The following AAGAB variants were observed in gnomAD, a reference collection of about 807,000 sequenced individuals.
AAGAB encodes the protein alpha- and gamma-adaptin-binding protein p34.
Under a neutral mutation model 44.1 loss-of-function variants are expected in AAGAB, and 38 were observed. The observed-to-expected ratio is 0.86, with a 90% CI of 0.67 to 1.13. The LOEUF (loss-of-function observed/expected upper bound fraction) is 1.13, where lower values mean the gene tolerates loss of function less well. AAGAB is among the 50% of genes most tolerant of loss of function. The pLI, the probability that AAGAB is intolerant of heterozygous loss-of-function variation, is 0.00. For synonymous variants in AAGAB, 131 were observed against 131.8 expected, an observed-to-expected ratio of 0.99 and a Z score of 0.04; for missense variants, 450 against 373.8, an observed-to-expected ratio of 1.20 and a Z score of -1.68.
chr15:67,211,156 T>C (rs1015913892), intron 5 of AAGAB, among the ~76,000 whole-genome samples: 3 of 152,220 alleles, frequency 2.0e-5, no homozygotes, highest in Non-Finnish European at 4.4e-5. Context: ...TGCAGATTTC[T>C]GGAGCCTGAC....
At chr15:67,225,003 T>C in intron 5 of AAGAB, among the ~76,000 whole-genome samples, 1 of 152,230 alleles carries the variant, frequency 6.6e-6, no homozygotes. Context: ...TCTTACAAGT[T>C]AGAACTAGAA....
At chr15:67,248,023 A>G (rs1695208414) in intron 1 of AAGAB, among the ~76,000 whole-genome samples, 2 of 152,228 alleles carry the variant, frequency 1.3e-5, no homozygotes. Context: ...CAACTTTGGG[A>G]AACCACAGCT....
chr15:67,239,472 A>T (rs1371616337), intron 1 of AAGAB, among the ~76,000 whole-genome samples: 1 of 152,236 alleles, frequency 6.6e-6, no homozygotes, highest in Admixed American at 6.5e-5. Flanking sequence ...AAACCTAGAC[A>T]GGAATGGAAC....
chr15:67,236,786 C>T lies in AAGAB; in HGVS notation c.108G>A (p.Val36=). The change falls in exon 2 of 10, where the codon GTG becomes GTA. Residue 36 remains valine (V), a synonymous_variant. Transcript: ENST00000261880. ...AAAATCTCACAGCATCATTGGAAGT[C>T]ACTTCCACAATAAGATCTTCTGTTC... ...ILGTEDLIVE[V]TSNDAVRFYP... The T allele has an allele frequency of 1.2e-6, 2 of 1,611,284 alleles. No individual in the cohort carries two copies. The highest frequency in any genetic ancestry group is 1.7e-6 in the Non-Finnish European group (2 of 1,178,948).
chr15:67,214,841 C>T (rs914094083), intron 5 of AAGAB, among the ~76,000 whole-genome samples: 36 of 152,058 alleles, frequency 2.4e-4, no homozygotes, highest in African/African-American at 8.2e-4. Flanking sequence ...GGGGTTTCAC[C>T]GTGTTAGCCA....
At chr15:67,239,647 C>CA (rs1409655112) in intron 1 of AAGAB, among the ~76,000 whole-genome samples, 1 of 152,066 alleles carries the variant, frequency 6.6e-6, no homozygotes, top group African/African-American at 2.4e-5. Flanking sequence ...TTCAAGGCTG[C>CA]ATATGGACTT....
chr15:67,236,537 A>T, intron 2 of AAGAB, 33 bp from the exon 3 acceptor site: 2 of 1,608,710 alleles, frequency 1.2e-6, no homozygotes, highest in South Asian at 2.2e-5. Context: ...ACAAACAAAA[A>T]CAGAAAAGAG....
intron 1 of AAGAB, among the ~76,000 whole-genome samples, chr15:67,242,409 G>A (rs1459815175): frequency 1.2e-5 from 1 of 81,352 alleles, no homozygotes. Context: ...CGGCCTGGGC[G>A]ACAGAGCGAG....
chr15:67,247,261 C>G (rs1008316959), intron 1 of AAGAB, among the ~76,000 whole-genome samples: 8 of 152,178 alleles, frequency 5.3e-5, no homozygotes, highest in African/African-American at 1.7e-4. Context: ...GACCAAGAAC[C>G]CACTGGAAGG....
intron 1 of AAGAB, among the ~76,000 whole-genome samples, chr15:67,250,114 A>C (rs1192900627): frequency 6.6e-6 from 1 of 152,200 alleles, no homozygotes; most frequent in Non-Finnish European, 1.5e-5. Flanking sequence ...TAAGATGTTA[A>C]AACTTACATA....
chr15:67,251,366 C>T (rs994223122), intron 1 of AAGAB, among the ~76,000 whole-genome samples: 7 of 152,086 alleles, frequency 4.6e-5, no homozygotes, highest in African/African-American at 1.7e-4. Context: ...ACCTCAGCCT[C>T]CCAAGGAGCT....
intron 5 of AAGAB, among the ~76,000 whole-genome samples, chr15:67,231,518 G>A (rs1444924471): frequency 1.3e-5 from 2 of 152,160 alleles, no homozygotes; most frequent in African/African-American, 4.8e-5. Flanking sequence ...TTCACAGCTG[G>A]ACTAGGAGCT....
chr15:67,222,282 A>ACACACACACACACACACACACACCC (rs796412643), intron 5 of AAGAB, among the ~76,000 whole-genome samples: 22 of 139,846 alleles, frequency 1.6e-4, no homozygotes, highest in South Asian at 2.4e-4. Context: ...ACACACACAC[A>ACACACACACACACACACACACACCC]CCCTCCACCC....
chr15:67,216,460 A>C (rs1445910173), intron 5 of AAGAB, among the ~76,000 whole-genome samples: 4 of 149,620 alleles, frequency 2.7e-5, no homozygotes, highest in Non-Finnish European at 4.5e-5. Context: ...AAAAAAAAAA[A>C]AAAAAAAACA....
At chr15:67,212,119 G>A (rs1167552190) in intron 5 of AAGAB, among the ~76,000 whole-genome samples, 2 of 152,134 alleles carry the variant, frequency 1.3e-5, no homozygotes, top group Non-Finnish European at 2.9e-5. Flanking sequence ...CTGACCTCGT[G>A]ATGCGCCCGC....
At chr15:67,208,944 T>C (rs1022144197) in intron 6 of AAGAB, among the ~76,000 whole-genome samples, 1 of 152,224 alleles carries the variant, frequency 6.6e-6, no homozygotes, top group Non-Finnish European at 1.5e-5. Flanking sequence ...ATTCAAAATG[T>C]GAAAATGTAA....
chr15:67,223,399 G>A (rs1964126976), intron 5 of AAGAB, among the ~76,000 whole-genome samples: 1 of 152,186 alleles, frequency 6.6e-6, no homozygotes. Flanking sequence ...CCTCATTTCA[G>A]TTGATGGCAA....
chr15:67,218,688 T>A, intron 5 of AAGAB, among the ~76,000 whole-genome samples: 1 of 152,166 alleles, frequency 6.6e-6, no homozygotes, highest in East Asian at 1.9e-4. Flanking sequence ...ACTTTCAAAA[T>A]TTGTCACATT....
intron 7 of AAGAB, among the ~76,000 whole-genome samples, chr15:67,204,512 T>C (rs1963642785): frequency 6.6e-6 from 1 of 152,176 alleles, no homozygotes; most frequent in East Asian, 1.9e-4. Flanking sequence ...GATTCACCAA[T>C]AATGACTAAA....
Sources: allele counts gnomAD v4.1 joint callset (sites outside exome capture counted in the v4.1 genomes callset), GRCh38; gene constraint gnomAD v4.1.1; transcripts MANE v1.5; gene names NCBI Gene and HGNC (gene_info 2026-07-23, HGNC 2026-07-21).